Variants in DNM2 observed in about 807,000 individuals in gnomAD.
DNM2 encodes dynamin-2.
A neutral mutation model predicts 99.0 loss-of-function variants in DNM2; 15 were observed. The ratio of observed to expected loss-of-function variants is 0.15; its 90% CI spans 0.10 to 0.23. The LOEUF is 0.23. Among genes scored for constraint, DNM2 ranks in the 10% least tolerant of loss-of-function variants. DNM2 has a pLI of 1.00. For missense variants in DNM2, 742 were observed against 1,189.4 expected, an observed-to-expected ratio of 0.62 and a Z score of 5.53; for synonymous variants, 525 against 481.2, an observed-to-expected ratio of 1.09 and a Z score of -1.19.
At chr19:10,726,386 G>A (rs932416896) in intron 1 of DNM2, among the ~76,000 whole-genome samples, 9 of 152,054 alleles carry the variant, frequency 5.9e-5, no homozygotes, top group African/African-American at 1.9e-4. Context: ...TTAAAGAGAA[G>A]GAACTCATCA....
At chr19:10,819,782 CAG>C (rs2072911478) in intron 15 of DNM2, among the ~76,000 whole-genome samples, 196 bp from the exon 16 acceptor site, 1 of 152,132 alleles carries the variant, frequency 6.6e-6, no homozygotes, top group Non-Finnish European at 1.5e-5. Flanking sequence ...GTGGGATACT[CAG>C]GGAGCATCAT....
chr19:10,778,529 A>T (rs768309155), intron 5 of DNM2, among the ~76,000 whole-genome samples: 1 of 152,020 alleles, frequency 6.6e-6, no homozygotes, highest in South Asian at 2.1e-4. Context: ...GCATACACCT[A>T]TAGTCCCACC....
chr19:10,734,340 C>T (rs912014548), intron 1 of DNM2, among the ~76,000 whole-genome samples: 23 of 133,424 alleles, frequency 1.7e-4, no homozygotes, highest in African/African-American at 6.7e-4. Flanking sequence ...GGGACTCTGT[C>T]TCAAAAAAAA....
intron 11 of DNM2, among the ~76,000 whole-genome samples, chr19:10,799,641 C>T (rs1376356144): frequency 6.7e-6 from 1 of 148,494 alleles, no homozygotes; most frequent in African/African-American, 2.5e-5. Flanking sequence ...TCAAGTGATT[C>T]TCATGCCTCA....
chr19:10,773,866 C>T (rs1250402890), intron 3 of DNM2, among the ~76,000 whole-genome samples: 1 of 152,056 alleles, frequency 6.6e-6, no homozygotes, highest in East Asian at 1.9e-4. Flanking sequence ...CCTGCATCCC[C>T]CTCCCAAAGT....
chr19:10,810,203 GC>G, intron 14 of DNM2: 1 of 153,578 alleles, frequency 6.5e-6, no homozygotes, highest in Non-Finnish European at 1.5e-5. Context: ...CACCCATACC[GC>G]CCCATGTGCC....
chr19:10,756,190 C>T (rs1180045166), intron 1 of DNM2, among the ~76,000 whole-genome samples: 2 of 152,084 alleles, frequency 1.3e-5, no homozygotes, highest in East Asian at 1.9e-4. Flanking sequence ...TGCATGGGGG[C>T]GCCCGCTCGC....
intron 7 of DNM2, among the ~76,000 whole-genome samples, chr19:10,789,408 A>G (rs2071674748): frequency 6.6e-6 from 1 of 152,102 alleles, no homozygotes; most frequent in Admixed American, 6.6e-5. Flanking sequence ...CCATGGGGAC[A>G]AACTGGCAGA....
At position 10,746,727 on chromosome 19, in the gene DNM2, GTTTTTTGTTT is replaced by G. The variant is rs2069992981; in HGVS notation, c.162-13004_162-12995del. Among the ~76,000 whole-genome samples, 12 of 116,214 alleles carry G rather than the reference GTTTTTTGTTT, an allele frequency of 1.0e-4. No individual in the cohort carries two copies. The South Asian group carries it at 3.2e-3, about 31-fold the overall frequency. 76.2% of individuals were successfully genotyped at this position (116,214 alleles called of 152,430 possible). A position where few individuals can be genotyped will look rare whatever the true frequency, so the allele number is the denominator to read the frequency against. On this transcript the variant is annotated intron_variant, in intron 1 of 20. Transcript: ENST00000389253. ...GAGCAACCGTGCCGGCTTTTTTTTT[GTTTTTTGTTT>G]TTTTTTTTTTTGAGACAGTCTCACT...
chr19:10,730,965 G>T (rs916459187), intron 1 of DNM2, among the ~76,000 whole-genome samples: 1 of 152,216 alleles, frequency 6.6e-6, no homozygotes, highest in Non-Finnish European at 1.5e-5. Flanking sequence ...AGCTGTCCCA[G>T]GCCCTGGTGA....
chr19:10,736,132 G>T (rs2069515005), intron 1 of DNM2, among the ~76,000 whole-genome samples: 1 of 152,094 alleles, frequency 6.6e-6, no homozygotes, highest in South Asian at 2.1e-4. Flanking sequence ...GGGCGTGGTG[G>T]TGGGTGCCTG....
chr19:10,775,334 G>A lies in DNM2; in HGVS notation c.386-369G>A, dbSNP rs770635349. ...TGGCCTCAAGTGATCCACCCACCTC[G>A]GCCTCCCAAAGTGCTGGGATTGCAG... On this transcript the variant is annotated intron_variant, in intron 3 of 20. Transcript: ENST00000389253. This position sits in a 1 kb window ranked among gnomAD's most constrained non-coding sequence, Gnocchi z 4.3. 1.3e-5 allele frequency among the ~76,000 whole-genome samples: 2 copies of A among 152,114 alleles called. No individual in the cohort carries two copies. The highest frequency in any genetic ancestry group is 2.4e-5 in the African/African-American group (1 of 41,418).
chr19:10,796,175 T>C lies in DNM2; in HGVS notation c.1196+736T>C, dbSNP rs749775962. On this transcript the variant is annotated intron_variant, in intron 9 of 20. Transcript: ENST00000389253. This position sits in a 1 kb window ranked among gnomAD's most constrained non-coding sequence, Gnocchi z 5.6. ...ACCTGGTTATCCAGGAGCTAATCAA[T>C]ACAGTTAGGCAGTGTACCAGTAAGG... The C allele has an allele frequency of 6.2e-7, 1 of 1,614,170 alleles. No individual in the cohort carries two copies. Among genetic ancestry groups the C allele is most frequent in the Non-Finnish European group, 8.5e-7 (1 of 1,180,040 alleles).
intron 1 of DNM2, among the ~76,000 whole-genome samples, chr19:10,729,734 C>T (rs1297808366): frequency 3.3e-5 from 5 of 152,134 alleles, no homozygotes; most frequent in South Asian, 2.1e-4. Flanking sequence ...CTGCCCAGCC[C>T]GTCCCTTCCT....
intron 3 of DNM2, among the ~76,000 whole-genome samples, chr19:10,773,979 AGG>A (rs540383905): frequency 4.6e-5 from 7 of 152,332 alleles, no homozygotes; most frequent in Admixed American, 1.3e-4. Flanking sequence ...TCTGGCCCAG[AGG>A]CACAGATTGC....
chr19:10,731,643 C>T (rs989464877), intron 1 of DNM2, among the ~76,000 whole-genome samples: 3 of 152,240 alleles, frequency 2.0e-5, no homozygotes, highest in Admixed American at 6.5e-5. Flanking sequence ...CGTGAGCCGC[C>T]GTGCCCGGCC....
At chr19:10,723,940 T>C (rs2069024391) in intron 1 of DNM2, among the ~76,000 whole-genome samples, 2 of 152,030 alleles carry the variant, frequency 1.3e-5, no homozygotes, top group Admixed American at 1.3e-4. Context: ...ATAAAAACAT[T>C]AGCTGGGCAT....
At chr19:10,803,373 G>A (rs1010271877) in intron 12 of DNM2, among the ~76,000 whole-genome samples, 3 of 152,200 alleles carry the variant, frequency 2.0e-5, no homozygotes, top group Admixed American at 6.5e-5. Context: ...AGGAATGAGG[G>A]CCTCATCAGA....
At chr19:10,727,578 C>T (rs1408510877) in intron 1 of DNM2, among the ~76,000 whole-genome samples, 3 of 151,808 alleles carry the variant, frequency 2.0e-5, no homozygotes, top group African/African-American at 7.3e-5. Context: ...ATTTTTTGCC[C>T]AGGCTAGTCT....
Sources: allele counts gnomAD v4.1 joint callset (sites outside exome capture counted in the v4.1 genomes callset), GRCh38; gene constraint gnomAD v4.1.1; non-coding constraint Gnocchi (gnomAD v3.1); transcripts MANE v1.5; gene names NCBI Gene and HGNC (gene_info 2026-07-23, HGNC 2026-07-21).